Variants in KIF13A observed in about 807,000 individuals in gnomAD.
KIF13A encodes kinesin family member 13A.
KIF13A carries 79 observed loss-of-function variants against 212.2 expected under a neutral mutation model. That is an observed-to-expected ratio of 0.37 (90% CI 0.31 to 0.45). The LOEUF (loss-of-function observed/expected upper bound fraction) is 0.45. Ranked by LOEUF, KIF13A falls within the 20% of genes least tolerant of loss-of-function variation. KIF13A has a pLI of 1.00. For missense variants in KIF13A, 1,901 were observed against 2,209.0 expected (o/e 0.86, Z 2.79); for synonymous variants, 789 against 808.6 (o/e 0.98, Z 0.41).
At position 17,881,813 on chromosome 6, in the gene KIF13A, T is replaced by G. The variant is rs531483467; in HGVS notation, c.160-8376A>C. 43 of 349,360 alleles carry G rather than the reference T, an allele frequency of 1.2e-4. No individual in the cohort carries two copies. The Admixed American group carries it at 1.5e-3, about 12-fold the overall frequency. The allele number at this position is 349,360 out of a possible 1,614,324, so 21.6% of individuals were successfully genotyped here. A position where few individuals can be genotyped will look rare whatever the true frequency, so the allele number is the denominator to read the frequency against. ...GAGTTTGAGACCCTCCTGGCCAACATGGTGAAACCTTGTCTCTACTGAAAA... is the reference window on the plus strand; with the variant it reads ...GAGTTTGAGACCCTCCTGGCCAACAGGGTGAAACCTTGTCTCTACTGAAAA... On this transcript the variant is annotated intron_variant, in intron 3 of 38. Coordinates refer to ENST00000259711, the MANE Select transcript of KIF13A (RefSeq NM_022113.6).
Position 17,804,388 on chromosome 6 carries a change from T to A in KIF13A, c.2427A>T (p.Ala809=). The change falls in exon 20 of 39, where the codon GCA becomes GCT. Residue 809 remains alanine (A), a synonymous_variant. Coordinates refer to ENST00000259711, the MANE Select transcript of KIF13A (RefSeq NM_022113.6). ...CLFCDVKLQY[A]VPIISQQGEV... ...CCCCCTGCTGGCTGATGATAGGGAC[T>A]GCATACTGAAGTTTCACATCACAGA... 1 of 1,552,834 alleles carries A rather than the reference T, an allele frequency of 6.4e-7. No homozygotes were observed.
intron 9 of KIF13A, among the ~76,000 whole-genome samples, chr6:17,846,041 CTTT>C (rs34232861): frequency 2.4e-5 from 2 of 83,262 alleles, no homozygotes; most frequent in Admixed American, 1.7e-4. Flanking sequence ...GGAACTCAAC[CTTT>C]TTTTTTTTTT....
rs1158214178 is a variant in KIF13A, at chr6:17,919,723, CG to C, written c.147-21544del. On this transcript the variant is annotated intron_variant, in intron 2 of 38. Coordinates refer to ENST00000259711, the MANE Select transcript of KIF13A (RefSeq NM_022113.6). This position sits in a 1 kb window ranked among gnomAD's most constrained non-coding sequence, Gnocchi z 4.1. ...GCTGTGAGACAGGGTGGCAGCCGAA[CG>C]GTGTCTCCTGGCAGCCCAATACTGT... Among the ~76,000 whole-genome samples the C allele has an allele frequency of 1.3e-5, 2 of 152,146 alleles. No individual in the cohort carries two copies. Among genetic ancestry groups the C allele is most frequent in the African/African-American group, 2.4e-5 (1 of 41,424 alleles).
rs1357974195 is a variant in KIF13A at position 17,863,874 on chromosome 6, C to CA, written c.221-7753_221-7752insT. 3.3e-5 allele frequency among the ~76,000 whole-genome samples: 5 copies of CA among 152,082 alleles called. No individual in the cohort carries two copies. In the East Asian group the frequency reaches 9.6e-4, roughly 29 times the overall value. ...TCCCTTTTCTCAGCATAGGAAAAGA[C>CA]GACTTGCCAACTGCTTTTTGAACCT... On this transcript the variant is annotated intron_variant, in intron 4 of 38. Transcript: ENST00000259711.
chr6:17,770,262 C>A (rs984403938), intron 38 of KIF13A: 1 of 151,624 alleles, frequency 6.6e-6, no homozygotes. Flanking sequence ...TCCTGTCTCC[C>A]TGAGCTGGTT....
At chr6:17,760,973 G>A, downstream of KIF13A, 2 of 1,247,532 alleles carry the variant, frequency 1.6e-6, no homozygotes, top group South Asian at 1.3e-5. Context: ...CCCATCACAA[G>A]AAAGGGGCTC....
At chr6:17,945,274 G>A (rs1480308762) in intron 2 of KIF13A, among the ~76,000 whole-genome samples, 3 of 152,104 alleles carry the variant, frequency 2.0e-5, no homozygotes, top group Middle Eastern at 3.2e-3. Context: ...AGCACATACT[G>A]TATGATTCCA....
chr6:17,776,315 T>C lies in KIF13A; in HGVS notation c.4170+962A>G, dbSNP rs934134356. ...TAGTATTCTGCTTTATACAGAATTA[T>C]AGGGAATTTAGGGCTAATAATTTCT... On this transcript the variant is annotated intron_variant, in intron 34 of 38. Transcript: ENST00000259711. This position sits in a 1 kb window ranked among gnomAD's most constrained non-coding sequence, Gnocchi z 4.6. Among the ~76,000 whole-genome samples, 3 of 152,212 alleles carry C rather than the reference T, an allele frequency of 2.0e-5. No individual in the cohort carries two copies. The highest frequency in any genetic ancestry group is 6.5e-5 in the Admixed American group (1 of 15,278).
At chr6:17,822,570 G>A (rs1292267526) in intron 16 of KIF13A, among the ~76,000 whole-genome samples, 1 of 152,194 alleles carries the variant, frequency 6.6e-6, no homozygotes, top group Non-Finnish European at 1.5e-5. Context: ...AGGAACCTGT[G>A]ATCTCGGAGG....
In KIF13A at chr6:17,873,451, C is replaced by A. The variant is rs754177680; in HGVS notation, c.160-14G>T. On this transcript the variant is annotated splice_polypyrimidine_tract_variant and intron_variant, in intron 3 of 38. Transcript: ENST00000259711. ...AAAGGCAAATACCTGAATGAAAGAACAAAATATTAAACTTAAAGATTAATT... is the reference window on the plus strand; with the variant it reads ...AAAGGCAAATACCTGAATGAAAGAAAAAAATATTAAACTTAAAGATTAATT... The A allele has an allele frequency of 6.5e-7, 1 of 1,536,128 alleles. No homozygotes were observed.
intron 9 of KIF13A, among the ~76,000 whole-genome samples, chr6:17,846,015 A>C (rs925310712): frequency 6.8e-5 from 9 of 131,942 alleles, no homozygotes; most frequent in African/African-American, 2.2e-4. Context: ...AACATGTCAG[A>C]GATTTCTTTA....
rs1451405073 is a variant in KIF13A, at chr6:17,816,233, T to C, written c.2000+787A>G. 1.4e-5 allele frequency among the ~76,000 whole-genome samples: 2 copies of C among 143,870 alleles called. No individual in the cohort carries two copies. The highest frequency in any genetic ancestry group is 2.6e-5 in the African/African-American group (1 of 38,222). 94.4% of individuals were successfully genotyped at this position (143,870 alleles called of 152,430 possible). ...GCACCTGGCCTGAGTCAGGTCAGGT[T>C]CTTCCTGTCACCCAGGCTGGAGTGT... On this transcript the variant is annotated intron_variant, in intron 17 of 38. Coordinates refer to ENST00000259711, the MANE Select transcript of KIF13A (RefSeq NM_022113.6). This position sits in a 1 kb window ranked among gnomAD's most constrained non-coding sequence, Gnocchi z 4.3.
At chr6:17,920,691 T>C (rs1048919112) in intron 2 of KIF13A, among the ~76,000 whole-genome samples, 7 of 152,198 alleles carry the variant, frequency 4.6e-5, no homozygotes, top group Non-Finnish European at 8.8e-5. Context: ...CTGGCCATCA[T>C]GGTGAAACCC....
chr6:17,796,950 G>A, intron 22 of KIF13A, 130 bp from the exon 23 acceptor site: 1 of 485,632 alleles, frequency 2.1e-6, no homozygotes, highest in Non-Finnish European at 3.3e-6. Flanking sequence ...CGTCTCTTCT[G>A]TTTTATAGAA....
At position 17,898,156 on chromosome 6, in the gene KIF13A, A is replaced by C. The variant is rs1489958229; in HGVS notation, c.159+12T>G. 2.5e-6 allele frequency: 4 copies of C among 1,612,852 alleles called. No individual in the cohort carries two copies. Among genetic ancestry groups the C allele is most frequent in the Non-Finnish European group, 3.4e-6 (4 of 1,179,248 alleles). ...AGCCAGTATACATGCCAAATTTCAT[A>C]TTAGTGCTTACCTTGGGAGGTTTCC... On this transcript the variant is annotated intron_variant, in intron 3 of 38. Coordinates refer to ENST00000259711, the MANE Select transcript of KIF13A (RefSeq NM_022113.6). This position sits in a 1 kb window ranked among gnomAD's most constrained non-coding sequence, Gnocchi z 5.2.
In KIF13A at chr6:17,915,378, G is replaced by A. The variant is rs185989165; in HGVS notation, c.147-17198C>T. Among the ~76,000 whole-genome samples, 2 of 152,268 alleles carry A rather than the reference G, an allele frequency of 1.3e-5. No homozygotes were observed. Among genetic ancestry groups the A allele is most frequent in the Admixed American group, 1.3e-4 (2 of 15,290 alleles). ...AAATAGAGCTGGTGTGGGGTTAAGT[G>A]AATTAACATATTATAAAGCTTTTAA... On this transcript the variant is annotated intron_variant, in intron 2 of 38. Transcript: ENST00000259711. This position sits in a 1 kb window ranked among gnomAD's most constrained non-coding sequence, Gnocchi z 4.4.
At chr6:17,814,686 C>T (rs541929017) in intron 17 of KIF13A, among the ~76,000 whole-genome samples, 2 of 152,110 alleles carry the variant, frequency 1.3e-5, no homozygotes, top group South Asian at 4.1e-4. Flanking sequence ...GATTGCCTGA[C>T]CTATAAGACA....
intron 2 of KIF13A, among the ~76,000 whole-genome samples, chr6:17,928,983 T>A (rs1378149866): frequency 6.9e-6 from 1 of 145,398 alleles, no homozygotes; most frequent in East Asian, 2.0e-4. Context: ...AAACACAAGA[T>A]TACAAACAAT....
At position 17,771,646 on chromosome 6, in the gene KIF13A, G is replaced by C. The variant is rs1759505024; in HGVS notation, c.4476+262C>G. 2.6e-6 allele frequency: 1 copy of C among 391,854 alleles called. No individual in the cohort carries two copies. Among genetic ancestry groups the C allele is most frequent in the African/African-American group, 2.0e-5 (1 of 48,910 alleles). The allele number at this position is 391,854 out of a possible 1,614,324, so 24.3% of individuals were successfully genotyped here. A position where few individuals can be genotyped will look rare whatever the true frequency, so the allele number is the denominator to read the frequency against. ...GCCTTTAATCTTTTCAAAACACCTA[G>C]AAAACATCTTTCTCACTTGAAACAT... On this transcript the variant is annotated intron_variant, in intron 37 of 38. Transcript: ENST00000259711. The surrounding 1 kb of genome is among the most constrained non-coding windows in gnomAD (Gnocchi z 5.4).
Sources: gnomAD v4.1 joint callset for allele counts (sites outside exome capture counted in the v4.1 genomes callset) on GRCh38, gnomAD v4.1.1 for gene constraint, Gnocchi (gnomAD v3.1) non-coding constraint, MANE v1.5 for transcripts, NCBI Gene and HGNC (gene_info 2026-07-23, HGNC 2026-07-21) for gene names.